Variants in FGF12 observed in about 807,000 individuals in gnomAD.
The protein encoded by FGF12 is fibroblast growth factor 12B.
FGF12 carries 14 observed loss-of-function variants against 23.6 expected under a neutral mutation model. That is an observed-to-expected ratio of 0.59 (90% confidence interval 0.39 to 0.93). FGF12 has a LOEUF of 0.93. Among genes scored for constraint, FGF12 ranks in the 40% least tolerant of loss-of-function variants. The probability of loss-of-function intolerance (pLI) is 0.00; values close to 1 mark genes in which losing one functional copy is unlikely to be tolerated. For synonymous variants in FGF12, 62 were observed against 77.3 expected (o/e 0.80, Z 1.04); for missense variants, 175 against 217.8 (o/e 0.80, Z 1.24).
At chr3:192,364,890 C>T (rs1251812809) in intron 2 of FGF12, among the ~76,000 whole-genome samples, 1 of 152,136 alleles carries the variant, frequency 6.6e-6, no homozygotes, top group Non-Finnish European at 1.5e-5. Context: ...AAACAAAGCA[C>T]TACCTCAGTC....
chr3:192,293,470 G>T (rs868821796), intron 4 of FGF12, among the ~76,000 whole-genome samples: 1 of 152,140 alleles, frequency 6.6e-6, no homozygotes, highest in Non-Finnish European at 1.5e-5. Flanking sequence ...ATGTCCTCAA[G>T]GCTAATTTGA....
chr3:192,599,284 A>ATAATAATAATAATAATT (rs1714009073), intron 2 of FGF12, among the ~76,000 whole-genome samples: 1 of 111,230 alleles, frequency 9.0e-6, no homozygotes, highest in Non-Finnish European at 2.2e-5. Flanking sequence ...TAATAATAAT[A>ATAATAATAATAATAATT]AAGACTGTTA....
intron 2 of FGF12, among the ~76,000 whole-genome samples, chr3:192,622,273 G>C (rs1715003173): frequency 6.6e-6 from 1 of 152,202 alleles, no homozygotes; most frequent in Non-Finnish European, 1.5e-5. Flanking sequence ...TCATCCAGGA[G>C]TGCTCCTTTC....
At chr3:192,192,401 A>AT (rs967465306) in intron 4 of FGF12, among the ~76,000 whole-genome samples, 9 of 148,854 alleles carry the variant, frequency 6.0e-5, no homozygotes, top group South Asian at 2.1e-4. Flanking sequence ...AATTTGTAAG[A>AT]TTTTTTGTTC....
intron 4 of FGF12, among the ~76,000 whole-genome samples, chr3:192,248,033 AG>A (rs1711745959): frequency 1.3e-5 from 2 of 152,178 alleles, no homozygotes; most frequent in South Asian, 4.1e-4. Context: ...AGAGTTCTAA[AG>A]GGGGAATAAA....
intron 4 of FGF12, among the ~76,000 whole-genome samples, chr3:192,269,812 C>A (rs189937302): frequency 6.2e-4 from 94 of 152,186 alleles, no homozygotes; most frequent in Admixed American, 5.7e-3. Flanking sequence ...ATAGCTAATA[C>A]TACAAAGAAT....
At chr3:192,465,373 G>A (rs1722979975) in intron 2 of FGF12, among the ~76,000 whole-genome samples, 1 of 152,104 alleles carries the variant, frequency 6.6e-6, no homozygotes. Context: ...ATGGATATAA[G>A]GTGAATACAT....
At chr3:192,622,207 G>A (rs1163854086) in intron 2 of FGF12, among the ~76,000 whole-genome samples, 1 of 152,168 alleles carries the variant, frequency 6.6e-6, no homozygotes, top group Non-Finnish European at 1.5e-5. Context: ...GCAACTGAGA[G>A]ACAGGAAGGC....
At chr3:192,451,244 G>C (rs1722511122) in intron 2 of FGF12, among the ~76,000 whole-genome samples, 1 of 152,144 alleles carries the variant, frequency 6.6e-6, no homozygotes, top group Non-Finnish European at 1.5e-5. Flanking sequence ...TAACTCAGTA[G>C]GTATAAAGAA....
At chr3:192,298,604 T>G (rs1257366874) in intron 4 of FGF12, among the ~76,000 whole-genome samples, 1 of 152,100 alleles carries the variant, frequency 6.6e-6, no homozygotes, top group Non-Finnish European at 1.5e-5. Flanking sequence ...AATACAAAAA[T>G]TAGCCAGGTG....
intron 3 of FGF12, among the ~76,000 whole-genome samples, chr3:192,346,117 T>C (rs1405033): frequency 1 from 152,212 of 152,212 alleles, 76,106 homozygotes; most frequent in Non-Finnish European, 1. Flanking sequence ...TCTCATTCAA[T>C]CCATGTCTAC....
At chr3:192,267,994 T>C (rs1008818884) in intron 4 of FGF12, among the ~76,000 whole-genome samples, 1 of 152,212 alleles carries the variant, frequency 6.6e-6, no homozygotes, top group African/African-American at 2.4e-5. Context: ...TTTCTGTTTC[T>C]ATTTGAGTAT....
At chr3:192,724,389 A>G (rs1467329353) in intron 2 of FGF12, among the ~76,000 whole-genome samples, 2 of 152,138 alleles carry the variant, frequency 1.3e-5, no homozygotes, top group Non-Finnish European at 2.9e-5. Context: ...TTCCACCCCA[A>G]TATTCTAATT....
At chr3:192,300,619 G>A (rs1316124508) in intron 4 of FGF12, among the ~76,000 whole-genome samples, 1 of 149,720 alleles carries the variant, frequency 6.7e-6, no homozygotes, top group Non-Finnish European at 1.5e-5. Context: ...TCTTTATAAT[G>A]TTATGTATTT....
At position 192,361,343 on chromosome 3, in the gene FGF12, G is replaced by T. The variant is rs556063085; in HGVS notation, c.14-805C>A. ...TATAAATATTTAAAGCTTTCTCATC[G>T]CAGTGCTGGCTGCCAGCAACAATCT... On this transcript the variant is annotated intron_variant, in intron 2 of 5. Coordinates refer to ENST00000445105, the MANE Select transcript of FGF12 (RefSeq NM_004113.6). Among the ~76,000 whole-genome samples, 10 of 152,008 alleles carry T rather than the reference G, an allele frequency of 6.6e-5. No individual in the cohort carries two copies. The East Asian group carries it at 1.9e-3, about 29-fold the overall frequency.
chr3:192,275,448 ATTCT>A (rs923778348), intron 4 of FGF12, among the ~76,000 whole-genome samples: 3 of 152,306 alleles, frequency 2.0e-5, no homozygotes, highest in Admixed American at 2.0e-4. Flanking sequence ...TGAAATATTC[ATTCT>A]ATTTTATAGA....
At chr3:192,674,375 A>C (rs1244198360) in intron 2 of FGF12, among the ~76,000 whole-genome samples, 1 of 152,194 alleles carries the variant, frequency 6.6e-6, no homozygotes, top group African/African-American at 2.4e-5. Context: ...TCATTGCTAA[A>C]CACTTATTAT....
chr3:192,554,547 G>C (rs960425244), intron 2 of FGF12, among the ~76,000 whole-genome samples: 2 of 152,200 alleles, frequency 1.3e-5, no homozygotes, highest in Non-Finnish European at 2.9e-5. Context: ...AGAATATCTA[G>C]CTGGGCTGAT....
intron 2 of FGF12, among the ~76,000 whole-genome samples, chr3:192,464,421 A>G (rs1470876390): frequency 1.3e-5 from 2 of 151,886 alleles, no homozygotes; most frequent in Admixed American, 1.3e-4. Flanking sequence ...CCTCACTTAG[A>G]ATAGCGGTCT....
Sources: gnomAD v4.1 joint callset for allele counts (sites outside exome capture counted in the v4.1 genomes callset) on GRCh38, gnomAD v4.1.1 for gene constraint, MANE v1.5 for transcripts, NCBI Gene and HGNC (gene_info 2026-07-23, HGNC 2026-07-21) for gene names.